Variants in SLX9 observed in about 807,000 individuals in gnomAD.
SLX9 encodes the protein SLX9 ribosome biogenesis factor, also known as ribosome biogenesis protein SLX9 homolog.
A neutral mutation model predicts 20.8 loss-of-function variants in SLX9; 19 were observed. The observed-to-expected ratio is 0.91, with a 90% confidence interval of 0.64 to 1.34. The LOEUF is 1.34. Ranked by LOEUF, SLX9 falls within the 40% of genes most tolerant of loss-of-function variation. SLX9 has a pLI of 0.00. For missense variants in SLX9, 299 were observed against 322.2 expected (o/e 0.93, Z 0.55); for synonymous variants, 113 against 137.1 (o/e 0.82, Z 1.23).
intron 1 of SLX9, among the ~76,000 whole-genome samples, chr21:44,941,711 T>G (rs1261867545): frequency 6.6e-6 from 1 of 152,208 alleles, no homozygotes; most frequent in Admixed American, 6.5e-5. Context: ...GGGTGCGTCC[T>G]TGAACATGCG....
intron 5 of SLX9, among the ~76,000 whole-genome samples, chr21:44,974,499 C>T (rs548086083): frequency 2.6e-4 from 40 of 152,310 alleles, no homozygotes; most frequent in Admixed American, 9.8e-4. Flanking sequence ...TTACTCTAGA[C>T]ACTTTGTAGG....
intron 2 of SLX9, 113 bp downstream of exon 2, chr21:44,943,950 T>TG (rs1247537727): frequency 7.0e-7 from 1 of 1,430,926 alleles, no homozygotes; most frequent in Non-Finnish European, 9.6e-7. Flanking sequence ...ACAATGTCCT[T>TG]GAGCAAGGGA....
At chr21:44,948,416 G>A (rs909353036) in intron 2 of SLX9, among the ~76,000 whole-genome samples, 1 of 152,040 alleles carries the variant, frequency 6.6e-6, no homozygotes, top group African/African-American at 2.4e-5. Context: ...TGGTCGTGGA[G>A]CACCGGGCGT....
chr21:44,944,516 C>T (rs1424008155), intron 2 of SLX9, among the ~76,000 whole-genome samples: 5 of 152,222 alleles, frequency 3.3e-5, no homozygotes, highest in Admixed American at 3.3e-4. Context: ...GACTTTCTGG[C>T]TGGAGGATGG....
At chr21:44,945,010 C>T (rs2084616973) in intron 2 of SLX9, among the ~76,000 whole-genome samples, 1 of 152,220 alleles carries the variant, frequency 6.6e-6, no homozygotes, top group Non-Finnish European at 1.5e-5. Flanking sequence ...TTGAACGAGG[C>T]TGGTCTGGTG....
intron 2 of SLX9, among the ~76,000 whole-genome samples, chr21:44,949,698 C>T (rs1009200548): frequency 7.2e-5 from 11 of 152,284 alleles, no homozygotes; most frequent in African/African-American, 2.6e-4. Flanking sequence ...AACACGTCTG[C>T]GTCTGCAGGC....
chr21:44,943,001 A>G (rs1174476827), intron 1 of SLX9, among the ~76,000 whole-genome samples: 4 of 152,194 alleles, frequency 2.6e-5, no homozygotes, highest in East Asian at 1.9e-4. Context: ...GCTCAAAATA[A>G]TTAGTGACAT....
At chr21:44,939,915 C>G (rs1020626007), upstream of SLX9, 1 of 862,062 alleles carries the variant, frequency 1.2e-6, no homozygotes, top group Non-Finnish European at 1.6e-6. Context: ...ACCCGCGACC[C>G]TGCGCCCGCC....
At chr21:44,952,334 C>T (rs1196486853) in intron 2 of SLX9, among the ~76,000 whole-genome samples, 1 of 152,258 alleles carries the variant, frequency 6.6e-6, no homozygotes, top group African/African-American at 2.4e-5. Flanking sequence ...CGGCAGCTTC[C>T]CTGGCCACTC....
In SLX9 at chr21:44,943,796, A is replaced by C; in HGVS notation, c.242A>C (p.Glu81Ala). 6.2e-7 allele frequency: 1 copy of C among 1,613,130 alleles called. No homozygotes were observed. Among genetic ancestry groups the C allele is most frequent in the Non-Finnish European group, 8.5e-7 (1 of 1,179,978 alleles). ...VRSVTSVRRGEAGSSARSVPS... is the reference protein window; with the variant it reads ...VRSVTSVRRGAAGSSARSVPS... ...AGTGTCACTTCCGTCAGGAGAGGTG[A>C]GGCAGGCTCGAGTGCACGGAGCGTC... Residue 81 changes from glutamate (E) to alanine (A), a missense_variant, in exon 2 of 6, where the codon GAG becomes GCG. By Grantham distance (107) the Glu-to-Ala change is moderately radical. Transcript: ENST00000291634.
At chr21:44,945,266 G>A (rs1035455484) in intron 2 of SLX9, among the ~76,000 whole-genome samples, 1 of 152,226 alleles carries the variant, frequency 6.6e-6, no homozygotes, top group Non-Finnish European at 1.5e-5. Flanking sequence ...GACCAGGCCA[G>A]GTAACTCCAG....
Position 44,976,967 on chromosome 21 carries a change from G to A in SLX9, c.*164G>A, listed in dbSNP as rs771650852. 143 of 962,654 alleles carry A rather than the reference G, an allele frequency of 1.5e-4. No individual in the cohort carries two copies. Among genetic ancestry groups the A allele is most frequent in the Non-Finnish European group, 1.9e-4 (122 of 657,658 alleles). The allele number at this position is 962,654 out of a possible 1,614,324, so 59.6% of individuals were successfully genotyped here. A position where few individuals can be genotyped will look rare whatever the true frequency, so the allele number is the denominator to read the frequency against. ...GAACTTCCCCTGCACTGCCAGGGCC[G>A]TTCCCATGAGCTGCTTCCCTGATTC... On this transcript the variant is annotated 3_prime_UTR_variant, in exon 6 of 6. Coordinates refer to ENST00000291634, the MANE Select transcript of SLX9 (RefSeq NM_058190.4).
chr21:44,944,983 C>T (rs929811381), intron 2 of SLX9, among the ~76,000 whole-genome samples: 3 of 152,204 alleles, frequency 2.0e-5, no homozygotes, highest in African/African-American at 7.2e-5. Flanking sequence ...GCTGTGGAGG[C>T]GCCCGCTCTG....
intron 4 of SLX9, among the ~76,000 whole-genome samples, chr21:44,968,071 T>G (rs2085071842): frequency 6.7e-6 from 1 of 149,652 alleles, no homozygotes; most frequent in Non-Finnish European, 1.5e-5. Flanking sequence ...GGCCTGGGCC[T>G]GGGCCTGGAC....
intron 3 of SLX9, among the ~76,000 whole-genome samples, chr21:44,961,017 C>T (rs1185857374): frequency 1.3e-5 from 2 of 152,092 alleles, no homozygotes; most frequent in Non-Finnish European, 1.5e-5. Context: ...ACCTAGAAAA[C>T]TTTGTCAGTT....
chr21:44,962,745 C>T lies in SLX9; in HGVS notation c.352+2577C>T, dbSNP rs1021923849. Among the ~76,000 whole-genome samples the T allele has an allele frequency of 4.6e-5, 7 of 152,140 alleles. No homozygotes were observed. The East Asian group carries it at 5.8e-4, about 13-fold the overall frequency. On this transcript the variant is annotated intron_variant, in intron 3 of 5. Transcript: ENST00000291634. ...TTTAGTTTTATAAGCAGCTGCCAGA[C>T]GCTTTTCTAGAGTGGTTGTACACTC... is the stretch of plus-strand genomic sequence containing the variant.
chr21:44,959,294 G>A (rs1375325623), intron 2 of SLX9: 4 of 982,002 alleles, frequency 4.1e-6, no homozygotes, highest in East Asian at 1.1e-4. Flanking sequence ...ATGTGTTCTG[G>A]GGAGAATGCA....
At chr21:44,950,114 T>A (rs532562724) in intron 2 of SLX9, among the ~76,000 whole-genome samples, 23 of 149,092 alleles carry the variant, frequency 1.5e-4, no homozygotes, top group Middle Eastern at 3.4e-3. Context: ...TTTTTTTTTT[T>A]AAGATAACTG....
chr21:44,954,024 G>A (rs1283058318), intron 2 of SLX9, among the ~76,000 whole-genome samples: 1 of 152,104 alleles, frequency 6.6e-6, no homozygotes, highest in Non-Finnish European at 1.5e-5. Context: ...CCCTGGCTGG[G>A]AGCTCACAGG....
Sources: gnomAD v4.1 joint callset for allele counts (sites outside exome capture counted in the v4.1 genomes callset) on GRCh38, gnomAD v4.1.1 for gene constraint, MANE v1.5 for transcripts, NCBI Gene and HGNC (gene_info 2026-07-23, HGNC 2026-07-21) for gene names.